Variants in ARID4B observed in about 807,000 individuals in gnomAD.
The protein encoded by ARID4B is AT-rich interaction domain 4B, also known as AT-rich interactive domain-containing protein 4B.
In ARID4B, 26 loss-of-function variants were observed where a neutral mutation model predicts 147.5. The observed-to-expected ratio is 0.18, with a 90% CI of 0.13 to 0.24. The LOEUF is 0.24. Ranked by LOEUF, ARID4B falls within the 10% of genes least tolerant of loss-of-function variation. ARID4B has a pLI of 1.00. For missense variants in ARID4B, 1,179 were observed against 1,511.5 expected (o/e 0.78, Z 3.65); for synonymous variants, 512 against 507.9 (o/e 1.01, Z -0.11).
chr1:235,177,904 C>T lies in ARID4B; in HGVS notation c.3344G>A (p.Gly1115Asp). 1 of 1,599,360 alleles carries T rather than the reference C, an allele frequency of 6.3e-7. No individual in the cohort carries two copies. The highest frequency in any genetic ancestry group is 8.5e-7 in the Non-Finnish European group (1 of 1,171,648). ...EPEHPEKACT[G>D]QKRVKDAQGG... ...CTGAGCATCTTTCACTCTTTTCTGA[C>T]CTGTACAGGCTATGAAGGGAAAGGA... Residue 1115 changes from glycine to aspartate, a missense_variant, in exon 21 of 24, where the codon GGT (glycine) becomes GAT (aspartate). Physicochemically the swap from Gly to Asp is moderately conservative, Grantham distance 94. Transcript: ENST00000264183.
chr1:235,314,061 A>G (rs1298705604), intron 2 of ARID4B, among the ~76,000 whole-genome samples: 1 of 152,220 alleles, frequency 6.6e-6, no homozygotes, highest in Non-Finnish European at 1.5e-5. Context: ...AGTAAATCCT[A>G]CTACATTTAG....
chr1:235,247,789 G>GACCA (rs1669394444), intron 6 of ARID4B, among the ~76,000 whole-genome samples: 1 of 152,130 alleles, frequency 6.6e-6, no homozygotes, highest in Admixed American at 6.5e-5. Context: ...GGGAGTTGGA[G>GACCA]ACCAGCCTGA....
chr1:235,275,427 G>A (rs1479566318), intron 2 of ARID4B, among the ~76,000 whole-genome samples: 12 of 152,176 alleles, frequency 7.9e-5, no homozygotes, highest in African/African-American at 2.9e-4. Context: ...TCTGCTGAGA[G>A]GAAGTAAGAA....
In ARID4B at chr1:235,257,590, TCC is replaced by T. The variant is rs1432943874; in HGVS notation, c.118-367_118-366del. Among the ~76,000 whole-genome samples the T allele has an allele frequency of 7.2e-5, 11 of 152,164 alleles. No homozygotes were observed. In the East Asian group the frequency reaches 2.1e-3, roughly 29 times the overall value. Reference sequence around the variant, plus strand: ...CTCCACCTCAGGGTTCAAGTGATTCTCCTGCCTCAGTCTTTCAAGTAGTTAGG... The same window carrying T: ...CTCCACCTCAGGGTTCAAGTGATTCTTGCCTCAGTCTTTCAAGTAGTTAGG... On this transcript the variant is annotated intron_variant, in intron 3 of 23. Coordinates refer to ENST00000264183, the MANE Select transcript of ARID4B (RefSeq NM_016374.6).
intron 19 of ARID4B, among the ~76,000 whole-genome samples, chr1:235,191,175 T>C (rs996357982): frequency 6.6e-6 from 1 of 152,080 alleles, no homozygotes; most frequent in Non-Finnish European, 1.5e-5. Context: ...AATGAGAATA[T>C]ATATAGAGTA....
intron 11 of ARID4B, 24 bp downstream of exon 11, chr1:235,229,207 A>G: frequency 1.3e-6 from 2 of 1,597,952 alleles, no homozygotes; most frequent in Non-Finnish European, 1.7e-6. Flanking sequence ...ATAATTTTAA[A>G]AGGTATCAAC....
At chr1:235,321,605 GC>G (rs1335137552) in intron 2 of ARID4B, among the ~76,000 whole-genome samples, 5 of 151,178 alleles carry the variant, frequency 3.3e-5, no homozygotes, top group Non-Finnish European at 5.9e-5. Context: ...TCCCAGGTTC[GC>G]ACCATTCTCC....
chr1:235,264,429 A>C (rs141068212), intron 2 of ARID4B, among the ~76,000 whole-genome samples: 1 of 152,276 alleles, frequency 6.6e-6, no homozygotes, highest in African/African-American at 2.4e-5. Flanking sequence ...ATAAGGTATC[A>C]CTCTATCATT....
At chr1:235,313,953 T>C (rs1368508735) in intron 2 of ARID4B, among the ~76,000 whole-genome samples, 1 of 152,140 alleles carries the variant, frequency 6.6e-6, no homozygotes, top group Non-Finnish European at 1.5e-5. Flanking sequence ...CCAGAGTCAA[T>C]CTATCTCCCC....
At chr1:235,265,743 T>C (rs956882310) in intron 2 of ARID4B, among the ~76,000 whole-genome samples, 1 of 151,914 alleles carries the variant, frequency 6.6e-6, no homozygotes, top group Non-Finnish European at 1.5e-5. Flanking sequence ...CTAAACTAGA[T>C]GCCTAGCTTC....
chr1:235,241,639 C>T (rs542772577), intron 7 of ARID4B, among the ~76,000 whole-genome samples: 30 of 152,256 alleles, frequency 2.0e-4, no homozygotes, highest in South Asian at 1.4e-3. Flanking sequence ...CTGCCTCAGC[C>T]TCCTGAGTAG....
chr1:235,284,441 G>C (rs548603565), intron 2 of ARID4B, among the ~76,000 whole-genome samples: 28 of 152,294 alleles, frequency 1.8e-4, no homozygotes, highest in Middle Eastern at 3.4e-3. Context: ...GTGATGAATT[G>C]ATCAGAGAAA....
intron 22 of ARID4B, among the ~76,000 whole-genome samples, chr1:235,173,206 T>C (rs1034014155): frequency 3.9e-4 from 60 of 152,206 alleles, no homozygotes; most frequent in African/African-American, 1.4e-3. Context: ...TAGCTGGGCA[T>C]GGTGGCGGGT....
intron 17 of ARID4B, among the ~76,000 whole-genome samples, chr1:235,207,714 A>G (rs1666406827): frequency 6.6e-6 from 1 of 152,192 alleles, no homozygotes; most frequent in Non-Finnish European, 1.5e-5. Context: ...TTTGGAAAAT[A>G]AAGGAATAAA....
At chr1:235,179,525 CAA>C (rs61143006) in intron 20 of ARID4B, among the ~76,000 whole-genome samples, 4 of 48,370 alleles carry the variant, frequency 8.3e-5, no homozygotes, top group Middle Eastern at 0.013. Context: ...CTCTATGTCT[CAA>C]AAAAAAAAAA....
intron 9 of ARID4B, among the ~76,000 whole-genome samples, chr1:235,233,700 C>T (rs1459707323): frequency 1.3e-5 from 2 of 152,154 alleles, no homozygotes; most frequent in African/African-American, 2.4e-5. Flanking sequence ...CAACAGGTAT[C>T]ACTATAACCA....
intron 1 of ARID4B, 84 bp from the exon 2 acceptor site, chr1:235,327,052 GTC>G (rs1675328338): frequency 2.1e-6 from 2 of 942,898 alleles, no homozygotes; most frequent in African/African-American, 3.5e-5. Flanking sequence ...AGCGAGCGAC[GTC>G]CGAACCCCGA....
Position 235,223,261 on chromosome 1 carries a change from C to CTGT in ARID4B, c.971-4_971-2dup, listed in dbSNP as rs781084375. On this transcript the variant is annotated splice_acceptor_variant, in intron 12 of 23. Transcript: ENST00000264183. LOFTEE classifies it high-confidence loss of function. Reference sequence around the variant, plus strand: ...ACAGGTCGTTTGTTAATAGGTGTACCTGTTACAGAAAACACAAACTATATT... The same window carrying CTGT: ...ACAGGTCGTTTGTTAATAGGTGTACCTGTTGTTACAGAAAACACAAACTATATT... 1 of 1,532,420 alleles carries CTGT rather than the reference C, an allele frequency of 6.5e-7. No individual in the cohort carries two copies. The highest frequency in any genetic ancestry group is 1.2e-5 in the South Asian group (1 of 80,644). The allele number at this position is 1,532,420 out of a possible 1,614,324, so 94.9% of individuals were successfully genotyped here.
intron 5 of ARID4B, among the ~76,000 whole-genome samples, chr1:235,254,062 CA>C (rs1669802987): frequency 6.6e-6 from 1 of 152,160 alleles, no homozygotes; most frequent in Non-Finnish European, 1.5e-5. Flanking sequence ...AAATATACAA[CA>C]TAAGTGTCAC....
Sources: gnomAD v4.1 joint callset for allele counts (sites outside exome capture counted in the v4.1 genomes callset) on GRCh38, gnomAD v4.1.1 for gene constraint, MANE v1.5 for transcripts, NCBI Gene and HGNC (gene_info 2026-07-23, HGNC 2026-07-21) for gene names.